The following CPOX variants were observed in gnomAD, a reference collection of about 807,000 sequenced individuals.
The protein encoded by CPOX is oxygen-dependent coproporphyrinogen-III oxidase, mitochondrial.
Under a neutral mutation model 48.9 loss-of-function variants are expected in CPOX, and 24 were observed. The ratio of observed to expected loss-of-function variants is 0.49; its 90% CI spans 0.36 to 0.69. CPOX has a LOEUF of 0.69. Among genes scored for constraint, CPOX ranks in the 30% least tolerant of loss-of-function variants. CPOX has a pLI of 0.00. For missense variants in CPOX, 549 were observed against 597.3 expected (o/e 0.92, Z 0.84); for synonymous variants, 249 against 234.6 (o/e 1.06, Z -0.56).
chr3:98,585,768 G>A, intron 4 of CPOX, 109 bp from the exon 5 acceptor site: 1 of 871,882 alleles, frequency 1.1e-6, no homozygotes, highest in Non-Finnish European at 1.9e-6. Context: ...TGTCAGGATG[G>A]TGTCCTTACT....
chr3:98,590,843 C>A (rs1311508997), intron 2 of CPOX, 101 bp from the exon 3 acceptor site: 1 of 1,248,588 alleles, frequency 8.0e-7, no homozygotes, highest in Non-Finnish European at 1.2e-6. Flanking sequence ...TCAAAAGCTG[C>A]TTTTTAATTT....
Position 98,585,656 on chromosome 3 carries a change from AC to A in CPOX, c.956del (p.Cys319LeufsTer7). On this transcript the variant is annotated frameshift_variant and splice_region_variant, in exon 5 of 7. Coordinates refer to ENST00000647941, the MANE Select transcript of CPOX (RefSeq NM_000097.7). LOFTEE classifies it high-confidence loss of function. ...PDLYPKFKKW[C>X]DDYFFIAHRG... ...GATGGGCTATAAAGAAGTAATCATCACACCTGGAAAACACAGCGGCGCCAAA... is the reference window on the plus strand; with the variant it reads ...GATGGGCTATAAAGAAGTAATCATCAACCTGGAAAACACAGCGGCGCCAAA... 1 of 1,613,176 alleles carries A rather than the reference AC, an allele frequency of 6.2e-7. No homozygotes were observed. The highest frequency in any genetic ancestry group is 8.5e-7 in the Non-Finnish European group (1 of 1,179,192).
Position 98,593,463 on chromosome 3 carries a change from C to T in CPOX, c.42G>A (p.Trp14Ter), listed in dbSNP as rs905263348. 6.6e-7 allele frequency: 1 copy of T among 1,506,514 alleles called. No individual in the cohort carries two copies. 93.3% of individuals were successfully genotyped at this position (1,506,514 alleles called of 1,614,324 possible). A position where few individuals can be genotyped will look rare whatever the true frequency, so the allele number is the denominator to read the frequency against. ...CTCCGCAGCCGCCCCGCGCCACGAGCCAGCAGGGGCCCGAGCTCAGCCTGC... is the reference window on the plus strand; with the variant it reads ...CTCCGCAGCCGCCCCGCGCCACGAGTCAGCAGGGGCCCGAGCTCAGCCTGC... ...QLGRLSSGPC[W>*]LVARGGCGGP... Residue 14 changes from tryptophan to a stop codon, truncating the protein, a stop_gained, in exon 1 of 7, where the codon TGG (tryptophan) becomes TGA (stop). Coordinates refer to ENST00000647941, the MANE Select transcript of CPOX (RefSeq NM_000097.7). LOFTEE classifies it high-confidence loss of function.
At position 98,593,286 on chromosome 3, in the gene CPOX, C is replaced by G. The variant is rs750999992; in HGVS notation, c.219G>C (p.Trp73Cys). Residue 73 changes from tryptophan (W) to cysteine (C), a missense_variant, in exon 1 of 7, where the codon TGG becomes TGC. Trp to Cys is a radical substitution (Grantham distance 215). Around this residue, in one of 2 missense-constraint regions of CPOX, gnomAD observed 336 missense variants for 318.1 expected, o/e 1.06. Coordinates refer to ENST00000647941, the MANE Select transcript of CPOX (RefSeq NM_000097.7). ...GCGCCGCGGCCAGCCCTGTCCCCAC[C>G]CAGGGGCCGCCTCTCGACGTCGAGC... ...GHGSTSRGGP[W>C]VGTGLAAALA... 159 of 1,455,658 alleles carry G rather than the reference C, an allele frequency of 1.1e-4. No homozygotes were observed. The highest frequency in any genetic ancestry group is 1.4e-4 in the Non-Finnish European group (151 of 1,112,006). 90.2% of individuals were successfully genotyped at this position (1,455,658 alleles called of 1,614,324 possible).
chr3:98,582,766 C>T (rs1707282587), intron 5 of CPOX, among the ~76,000 whole-genome samples: 1 of 152,178 alleles, frequency 6.6e-6, no homozygotes, highest in African/African-American at 2.4e-5. Flanking sequence ...GCTAGGATTA[C>T]AGGCGTGAGC....
Position 98,581,475 on chromosome 3 carries a change from T to C in CPOX, c.1209A>G (p.Thr403=). ...ATCCTGGAGTGAAGAGGCCAAACTT[T>C]GTGCCCCGATCATACAGCAGATTAA... ...VEFNLLYDRG[T]KFGLFTPGSR... is the part of the protein sequence containing the mutation. The change falls in exon 6 of 7, where the codon ACA becomes ACG. Residue 403 remains threonine, a synonymous_variant. Coordinates refer to ENST00000647941, the MANE Select transcript of CPOX (RefSeq NM_000097.7). The C allele has an allele frequency of 1.9e-6, 3 of 1,614,094 alleles. No individual in the cohort carries two copies. The highest frequency in any genetic ancestry group is 2.5e-6 in the Non-Finnish European group (3 of 1,179,958).
chr3:98,580,235 A>G lies in CPOX; in HGVS notation c.*448T>C. 1 of 993,870 alleles carries G rather than the reference A, an allele frequency of 1.0e-6. No individual in the cohort carries two copies. Among genetic ancestry groups the G allele is most frequent in the Non-Finnish European group, 1.2e-6 (1 of 834,348 alleles). 61.6% of individuals were successfully genotyped at this position (993,870 alleles called of 1,614,324 possible). Reference sequence around the variant, plus strand: ...TGACAAAGTAAAATTTTTACCTTCAAGTTGCATTCTAAAATTACTATGAAG... The same window carrying G: ...TGACAAAGTAAAATTTTTACCTTCAGGTTGCATTCTAAAATTACTATGAAG... On this transcript the variant is annotated 3_prime_UTR_variant, in exon 7 of 7. Coordinates refer to ENST00000647941, the MANE Select transcript of CPOX (RefSeq NM_000097.7).
intron 4 of CPOX, 105 bp from the exon 5 acceptor site, chr3:98,585,764 G>GACACCATCCTGAC: frequency 1.1e-6 from 1 of 890,476 alleles, no homozygotes; most frequent in Non-Finnish European, 1.9e-6. Context: ...CTAATGTCAG[G>GACACCATCCTGAC]ATGGTGTCCT....
rs1416452418 is a variant in CPOX at position 98,580,374 on chromosome 3, T to C, written c.*309A>G. On this transcript the variant is annotated 3_prime_UTR_variant, in exon 7 of 7. Coordinates refer to ENST00000647941, the MANE Select transcript of CPOX (RefSeq NM_000097.7). ...AAAAACAAGATGAGAGATTTCCTGA[T>C]ACATATAATACTATTTATATTCCCT... The C allele has an allele frequency of 2.4e-5, 25 of 1,035,804 alleles. No individual in the cohort carries two copies. Among genetic ancestry groups the C allele is most frequent in the African/African-American group, 3.4e-5 (2 of 59,120 alleles). 64.2% of individuals were successfully genotyped at this position (1,035,804 alleles called of 1,614,324 possible). A position where few individuals can be genotyped will look rare whatever the true frequency, so the allele number is the denominator to read the frequency against.
chr3:98,571,750 G>C, the CPOX span, among the ~76,000 whole-genome samples: 1 of 151,772 alleles, frequency 6.6e-6, no homozygotes, highest in Non-Finnish European at 1.5e-5. Context: ...ATAGGGTGTA[G>C]TAGGTATTGT....
intron 5 of CPOX, among the ~76,000 whole-genome samples, chr3:98,584,767 C>T (rs775091126): frequency 1.2e-4 from 19 of 152,190 alleles, no homozygotes; most frequent in Non-Finnish European, 2.4e-4. Context: ...CCCCACTGAG[C>T]TCACCAGGCT....
At chr3:98,587,974 T>C (rs1707398464) in intron 4 of CPOX, among the ~76,000 whole-genome samples, 1 of 152,204 alleles carries the variant, frequency 6.6e-6, no homozygotes, top group Admixed American at 6.5e-5. Flanking sequence ...AGTAGTAATA[T>C]TAAATCAAGA....
Position 98,592,967 on chromosome 3 carries a change from G to T in CPOX, c.538C>A (p.Arg180=). Residue 180 remains arginine, a synonymous_variant, in exon 1 of 7, where the codon CGG becomes AGG. Transcript: ENST00000647941. Reference sequence around the variant, plus strand: ...TCCTTACCTTCCTTCCTCTCCCACCGGTCCACAGAAAAGTTGGCGCCCCCG... The same window carrying T: ...TCCTTACCTTCCTTCCTCTCCCACCTGTCCACAGAAAAGTTGGCGCCCCCG... The part of the protein sequence containing the change: ...VDGGANFSVD[R]WERKEGGGGI... 6.2e-7 allele frequency: 1 copy of T among 1,612,982 alleles called. No homozygotes were observed. The highest frequency in any genetic ancestry group is 1.1e-5 in the South Asian group (1 of 90,836).
At position 98,590,657 on chromosome 3, in the gene CPOX, T is replaced by A; in HGVS notation, c.786A>T (p.Arg262Ser). 1 of 1,612,984 alleles carries A rather than the reference T, an allele frequency of 6.2e-7. No homozygotes were observed. The highest frequency in any genetic ancestry group is 8.5e-7 in the Non-Finnish European group (1 of 1,178,892). Reference protein sequence around the residue: ...PHAPTIHFNYRYFEVEEADGN... With the variant: ...PHAPTIHFNYSYFEVEEADGN... ...CATCAGCTTCTTCTACTTCAAAGTA[T>A]CTGTAGTTGAAATGGATAGTAGGAG... Residue 262 changes from arginine to serine, a missense_variant, in exon 3 of 7, where the codon AGA (arginine) becomes AGT (serine). By Grantham distance (110) the Arg-to-Ser change is moderately radical. Transcript: ENST00000647941.
the CPOX span, among the ~76,000 whole-genome samples, chr3:98,572,842 A>G: frequency 6.6e-6 from 1 of 152,200 alleles, no homozygotes; most frequent in East Asian, 1.9e-4. Context: ...TTAGTCCATC[A>G]AATTGTAAAA....
In CPOX at chr3:98,580,737, G is replaced by T; in HGVS notation, c.1311C>A (p.Ser437=). The change falls in exon 7 of 7, where the codon TCC becomes TCA. Residue 437 remains serine (S), a synonymous_variant. Transcript: ENST00000647941. ...GAACTTCCAGAATTTCAGCTTCTTT[G>T]GAATTCTCTGAGGGTGAATGCATGT... ...WEYMHSPSEN[S]KEAEILEVLR... 6.2e-7 allele frequency: 1 copy of T among 1,613,986 alleles called. No homozygotes were observed. The highest frequency in any genetic ancestry group is 8.5e-7 in the Non-Finnish European group (1 of 1,179,988).
chr3:98,578,284 C>G (rs1257812883), downstream of CPOX: 1 of 961,470 alleles, frequency 1.0e-6, no homozygotes, highest in Non-Finnish European at 1.2e-6. Context: ...AAAACAAATG[C>G]ACAGAAAAAT....
intron 5 of CPOX, among the ~76,000 whole-genome samples, 195 bp downstream of exon 5, chr3:98,585,246 T>C (rs1327511567): frequency 6.6e-6 from 1 of 152,236 alleles, no homozygotes; most frequent in Non-Finnish European, 1.5e-5. Context: ...CTCTAATGTA[T>C]AGATGAATTA....
chr3:98,592,354 T>C (rs1359619025), intron 1 of CPOX, among the ~76,000 whole-genome samples: 1 of 152,202 alleles, frequency 6.6e-6, no homozygotes, highest in Non-Finnish European at 1.5e-5. Flanking sequence ...TGGGTTTTGA[T>C]GCTCAAGTAT....
Sources: gnomAD v4.1 joint callset for allele counts (sites outside exome capture counted in the v4.1 genomes callset) on GRCh38, gnomAD v4.1.1 for gene constraint, gnomAD v4.1.1 regional missense constraint, MANE v1.5 for transcripts, NCBI Gene and HGNC (gene_info 2026-07-23, HGNC 2026-07-21) for gene names.